PSMC4: variants seen among roughly 807,000 people sequenced by gnomAD.
PSMC4 encodes the protein 26S proteasome regulatory subunit 6B.
In PSMC4, 13 loss-of-function variants were observed where a neutral mutation model predicts 48.4. That is an observed-to-expected ratio of 0.27 (90% confidence interval 0.18 to 0.43). The LOEUF (loss-of-function observed/expected upper bound fraction) is 0.43. PSMC4 is among the 20% of genes least tolerant of loss of function. The probability of loss-of-function intolerance (pLI) is 1.00; values close to 1 mark genes in which losing one functional copy is unlikely to be tolerated. For missense variants in PSMC4, 262 were observed against 555.9 expected (o/e 0.47, Z 5.32); for synonymous variants, 202 against 212.3 (o/e 0.95, Z 0.42).
rs759098722 is a variant in PSMC4 at position 39,972,166 on chromosome 19, C to T, written c.57C>T (p.Ser19=). ...TCTAGGATGAGATCCCAGCACTGTC[C>T]GTGTCCCGGCCCCAGACCGGCCTGT... ...EKAQDEIPAL[S]VSRPQTGLSF... Residue 19 remains serine (S), a synonymous_variant, in exon 2 of 11, where the codon TCC becomes TCT. Transcript: ENST00000157812. The T allele has an allele frequency of 7.4e-6, 12 of 1,614,036 alleles. No homozygotes were observed. The highest frequency in any genetic ancestry group is 1.6e-4 in the Middle Eastern group (1 of 6,062).
chr19:39,979,248 T>C (rs1401795712), intron 6 of PSMC4, among the ~76,000 whole-genome samples: 1 of 152,108 alleles, frequency 6.6e-6, no homozygotes, highest in African/African-American at 2.4e-5. Flanking sequence ...ATCCTGATTT[T>C]TAAATGTTGG....
In PSMC4 at chr19:39,974,328, C is replaced by T. The variant is rs138214626; in HGVS notation, c.357C>T (p.Ile119=). The change falls in exon 4 of 11, where the codon ATC becomes ATT. Residue 119 remains isoleucine, a synonymous_variant. Transcript: ENST00000157812. This position sits in a 1 kb window ranked among gnomAD's most constrained non-coding sequence, Gnocchi z 5.5. ...ATTATGTGCGCATCCTGAGCACCAT[C>T]GATCGGGAGCTGCTCAAGCCCAACG... is the stretch of plus-strand genomic sequence containing the variant. The part of the protein sequence containing the change: ...SNYYVRILST[I]DRELLKPNAS... The T allele has an allele frequency of 1.0e-4, 168 of 1,614,142 alleles. No individual in the cohort carries two copies. Among genetic ancestry groups the T allele is most frequent in the Middle Eastern group, 1.6e-4 (1 of 6,062 alleles).
At position 39,981,324 on chromosome 19, in the gene PSMC4, C is replaced by G. The variant is rs1378166503; in HGVS notation, c.*19C>G. ...CAAGTGACCCTTCCCTTCCCTCCAC[C>G]ACACCACTCAGGGGCTGGGGCTTCT... is the stretch of plus-strand genomic sequence containing the variant. On this transcript the variant is annotated 3_prime_UTR_variant, in exon 11 of 11. Transcript: ENST00000157812. 6.3e-7 allele frequency: 1 copy of G among 1,574,812 alleles called. No individual in the cohort carries two copies. The highest frequency in any genetic ancestry group is 2.2e-5 in the East Asian group (1 of 44,678).
At chr19:39,981,080 C>T in intron 10 of PSMC4, 112 bp from the exon 11 acceptor site, 1 of 802,458 alleles carries the variant, frequency 1.2e-6, no homozygotes, top group Non-Finnish European at 2.1e-6. Context: ...TGGTCTCGAA[C>T]TCTTGGGCTC....
At chr19:39,981,120 G>A in intron 10 of PSMC4, 72 bp from the exon 11 acceptor site, 1 of 1,166,468 alleles carries the variant, frequency 8.6e-7, no homozygotes, top group Admixed American at 1.7e-5. Flanking sequence ...GCCTCCCAAA[G>A]TGTCGGGATT....
intron 10 of PSMC4, 63 bp from the exon 11 acceptor site, chr19:39,981,128 AT>A: frequency 7.8e-7 from 1 of 1,274,970 alleles, no homozygotes. Flanking sequence ...AAGTGTCGGG[AT>A]TACAGGTGTG....
rs1308364535 is a variant in PSMC4, at chr19:39,971,180, A to C, written c.-23A>C. 1 of 1,613,984 alleles carries C rather than the reference A, an allele frequency of 6.2e-7. No homozygotes were observed. Among genetic ancestry groups the C allele is most frequent in the Non-Finnish European group, 8.5e-7 (1 of 1,179,898 alleles). ...AAGCGGTGACAGATCATCCCAGGCC[A>C]CACAGAGGCCGGCTTGGTCACTATG... On this transcript the variant is annotated 5_prime_UTR_variant, in exon 1 of 11. Transcript: ENST00000157812.
intron 6 of PSMC4, among the ~76,000 whole-genome samples, chr19:39,976,595 G>A (rs1404928464): frequency 1.4e-5 from 2 of 145,792 alleles, no homozygotes; most frequent in South Asian, 2.2e-4. Flanking sequence ...TGCACGCTCT[G>A]CCTCCCAGGT....
chr19:39,980,555 G>C lies in PSMC4; in HGVS notation c.1087+101G>C, dbSNP rs571180845. The C allele has an allele frequency of 1.3e-6, 2 of 1,589,004 alleles. No homozygotes were observed. Among genetic ancestry groups the C allele is most frequent in the African/African-American group, 2.7e-5 (2 of 74,418 alleles). On this transcript the variant is annotated intron_variant, in intron 9 of 10. Transcript: ENST00000157812. The surrounding 1 kb of genome is among the most constrained non-coding windows in gnomAD (Gnocchi z 4.8). The stretch of plus-strand genomic sequence containing the variant: ...ACCACAGCCCAGACTGTGCAGGTGG[G>C]ACCAAGGTCCAGGGAGGAGGGGAGG...
At chr19:39,971,962 A>G (rs570491009) in intron 1 of PSMC4, among the ~76,000 whole-genome samples, 184 bp from the exon 2 acceptor site, 1 of 152,248 alleles carries the variant, frequency 6.6e-6, no homozygotes, top group South Asian at 2.1e-4. Context: ...AGTTGACATA[A>G]AGAGCTTGTT....
At position 39,979,992 on chromosome 19, in the gene PSMC4, A is replaced by T; in HGVS notation, c.841+8A>T. 1 of 1,613,758 alleles carries T rather than the reference A, an allele frequency of 6.2e-7. No individual in the cohort carries two copies. Among genetic ancestry groups the T allele is most frequent in the Non-Finnish European group, 8.5e-7 (1 of 1,179,852 alleles). On this transcript the variant is annotated splice_region_variant and intron_variant, in intron 7 of 10. Transcript: ENST00000157812. ...TCGATGCTCAGACAGGGGGTAAGTG[A>T]TGCTGAAACAAGGCCCGGGGTCTTG...
intron 6 of PSMC4, among the ~76,000 whole-genome samples, chr19:39,976,023 A>T (rs1411995958): frequency 1.3e-5 from 2 of 151,858 alleles, no homozygotes; most frequent in African/African-American, 4.8e-5. Flanking sequence ...CCGAGGTGGG[A>T]GGATCACGAG....
At position 39,981,519 on chromosome 19, in the gene PSMC4, G is replaced by C. The variant is rs1971286706; in HGVS notation, c.*214G>C. On this transcript the variant is annotated 3_prime_UTR_variant, in exon 11 of 11. Transcript: ENST00000157812. ...GGATCCTCTGGGTCCCTCTTAATCT[G>C]ACAGATGAGCAGACGAGGTGCATGG... The C allele has an allele frequency of 6.2e-6, 3 of 484,938 alleles. No homozygotes were observed. Among genetic ancestry groups the C allele is most frequent in the Non-Finnish European group, 1.1e-5 (3 of 266,794 alleles). The allele number at this position is 484,938 out of a possible 1,614,324, so 30.0% of individuals were successfully genotyped here. A position where few individuals can be genotyped will look rare whatever the true frequency, so the allele number is the denominator to read the frequency against.
intron 3 of PSMC4, among the ~76,000 whole-genome samples, chr19:39,972,787 C>G (rs909175953): frequency 6.6e-6 from 1 of 151,542 alleles, no homozygotes; most frequent in Admixed American, 6.6e-5. Flanking sequence ...TTGCTCTTGT[C>G]CAGGCTGGAG....
chr19:39,981,095 G>A, intron 10 of PSMC4, 97 bp from the exon 11 acceptor site: 2 of 899,496 alleles, frequency 2.2e-6, no homozygotes, highest in Non-Finnish European at 3.6e-6. Context: ...GGGCTCAAGT[G>A]ATCTGTATAC....
chr19:39,980,879 G>GT lies in PSMC4; in HGVS notation c.1143+167dup, dbSNP rs11377144. ...TAGGGGTGGATAGTACAGGGGTAGT[G>GT]TTTTTGTGTTTTGCTTTGAGACAGG... On this transcript the variant is annotated intron_variant, in intron 10 of 10. Transcript: ENST00000157812. The surrounding 1 kb of genome is among the most constrained non-coding windows in gnomAD (Gnocchi z 4.8). Among the ~76,000 whole-genome samples, 41,805 of 151,810 alleles carry GT rather than the reference G, an allele frequency of 0.28. 9,378 individuals carry two copies. The highest frequency in any genetic ancestry group is 0.62 in the African/African-American group (25,654 of 41,298).
At chr19:39,978,955 T>G (rs1350765328) in intron 6 of PSMC4, among the ~76,000 whole-genome samples, 2 of 152,064 alleles carry the variant, frequency 1.3e-5, no homozygotes, top group Non-Finnish European at 2.9e-5. Context: ...GAGGCTGCAG[T>G]AAGCTATGAT....
rs763454110 is a variant in PSMC4 at position 39,974,611 on chromosome 19, C to T, written c.557C>T (p.Thr186Met). ...CGGGAGGCCGTGGAGCTCCCGCTCA[C>T]GCATTTCGAGCTCTACAAGCAGGTG... Reference protein sequence around the residue: ...EVREAVELPLTHFELYKQIGI... With the variant: ...EVREAVELPLMHFELYKQIGI... Residue 186 changes from threonine to methionine, a missense_variant, in exon 5 of 11, where the codon ACG becomes ATG. Physicochemically the swap from Thr to Met is moderately conservative, Grantham distance 81. This residue lies in a region of PSMC4 where 131 missense variants were observed against 276.7 expected (regional missense o/e 0.47). Transcript: ENST00000157812. The surrounding 1 kb of genome is among the most constrained non-coding windows in gnomAD (Gnocchi z 5.5). The T allele has an allele frequency of 1.2e-6, 2 of 1,614,074 alleles. No individual in the cohort carries two copies. Among genetic ancestry groups the T allele is most frequent in the Non-Finnish European group, 1.7e-6 (2 of 1,180,024 alleles).
At position 39,980,102 on chromosome 19, in the gene PSMC4, C is replaced by T; in HGVS notation, c.874C>T (p.Leu292=). The T allele has an allele frequency of 6.2e-7, 1 of 1,614,116 alleles. No homozygotes were observed. Among genetic ancestry groups the T allele is most frequent in the Non-Finnish European group, 8.5e-7 (1 of 1,180,024 alleles). The part of the protein sequence containing the change: ...DREVQRILLE[L]LNQMDGFDQN... Reference sequence around the variant, plus strand: ...GGAGGTTCAGAGGATCCTGCTGGAGCTGCTGAATCAGATGGATGGATTTGA... The same window carrying T: ...GGAGGTTCAGAGGATCCTGCTGGAGTTGCTGAATCAGATGGATGGATTTGA... The change falls in exon 8 of 11, where the codon CTG becomes TTG. Residue 292 remains leucine (L), a synonymous_variant. Transcript: ENST00000157812. The surrounding 1 kb of genome is among the most constrained non-coding windows in gnomAD (Gnocchi z 4.8).
Sources: gnomAD v4.1 joint callset for allele counts (sites outside exome capture counted in the v4.1 genomes callset) on GRCh38, gnomAD v4.1.1 for gene constraint, gnomAD v4.1.1 regional missense constraint, Gnocchi (gnomAD v3.1) non-coding constraint, MANE v1.5 for transcripts, NCBI Gene and HGNC (gene_info 2026-07-23, HGNC 2026-07-21) for gene names.